Variants in DMRTA1 observed in about 807,000 individuals in gnomAD.
The protein encoded by DMRTA1 is doublesex- and mab-3-related transcription factor A1.
Under a neutral mutation model 35.2 loss-of-function variants are expected in DMRTA1, and 34 were observed. The observed-to-expected ratio is 0.97, with a 90% CI of 0.74 to 1.29. The LOEUF is 1.29. Ranked by LOEUF, DMRTA1 falls within the 50% of genes most tolerant of loss-of-function variation. DMRTA1 has a pLI of 0.00. For missense variants in DMRTA1, 824 were observed against 644.6 expected (o/e 1.28, Z -3.01); for synonymous variants, 344 against 276.6 (o/e 1.24, Z -2.42).
In DMRTA1 at chr9:22,453,338, A is replaced by C. The variant is rs1818960195; in HGVS notation, c.*1427A>C. 1 of 152,036 alleles carries C rather than the reference A, an allele frequency of 6.6e-6. No homozygotes were observed. The highest frequency in any genetic ancestry group is 2.4e-5 in the African/African-American group (1 of 41,424). The allele number at this position is 152,036 out of a possible 1,614,324, so 9.4% of individuals were successfully genotyped here. On this transcript the variant is annotated 3_prime_UTR_variant, in exon 2 of 2. Coordinates refer to ENST00000325870, the MANE Select transcript of DMRTA1 (RefSeq NM_022160.3). ...ATGTAGACATACATTAAACCCCTAT[A>C]GGTTATATTATCATGGAGGCGTTTT...
chr9:22,451,773 G>T lies in DMRTA1; in HGVS notation c.1377G>T (p.Gly459=). 6.2e-7 allele frequency: 1 copy of T among 1,614,062 alleles called. No individual in the cohort carries two copies. The highest frequency in any genetic ancestry group is 1.1e-5 in the South Asian group (1 of 91,080). The change falls in exon 2 of 2, where the codon GGG becomes GGT. Residue 459 remains glycine (G), a synonymous_variant. Transcript: ENST00000325870. The stretch of plus-strand genomic sequence containing the variant: ...TTATGTCACCCTACCTAACACCTGG[G>T]TTAGTACCAACCTTACCTTTTCGGC... ...SGFMSPYLTP[G]LVPTLPFRPA...
Position 22,453,667 on chromosome 9 carries a change from T to G in DMRTA1, c.*1756T>G, listed in dbSNP as rs947800871. 4 of 152,100 alleles carry G rather than the reference T, an allele frequency of 2.6e-5. No individual in the cohort carries two copies. Among genetic ancestry groups the G allele is most frequent in the South Asian group, 4.1e-4 (2 of 4,830 alleles). 9.4% of individuals were successfully genotyped at this position (152,100 alleles called of 1,614,324 possible). A position where few individuals can be genotyped will look rare whatever the true frequency, so the allele number is the denominator to read the frequency against. ...TATATATAATAGATCTCTTTGAGAC[T>G]CTGATAAAACTGAAGAACTCTACAA... On this transcript the variant is annotated 3_prime_UTR_variant, in exon 2 of 2. Coordinates refer to ENST00000325870, the MANE Select transcript of DMRTA1 (RefSeq NM_022160.3).
At chr9:22,449,959 A>G (rs1453522443) in intron 1 of DMRTA1, among the ~76,000 whole-genome samples, 1 of 152,116 alleles carries the variant, frequency 6.6e-6, no homozygotes, top group Non-Finnish European at 1.5e-5. Flanking sequence ...TAGAAAAAGG[A>G]AGTTGGACAG....
Position 22,452,595 on chromosome 9 carries a change from A to G in DMRTA1, c.*684A>G, listed in dbSNP as rs1458078498. 2 of 152,226 alleles carry G rather than the reference A, an allele frequency of 1.3e-5. No homozygotes were observed. The highest frequency in any genetic ancestry group is 2.4e-5 in the African/African-American group (1 of 41,462). The allele number at this position is 152,226 out of a possible 1,614,324, so 9.4% of individuals were successfully genotyped here. On this transcript the variant is annotated 3_prime_UTR_variant, in exon 2 of 2. Coordinates refer to ENST00000325870, the MANE Select transcript of DMRTA1 (RefSeq NM_022160.3). ...GTCTATGAAGTAAATTTTAGGAAATAAGACTGCGCCATCTCCTGGCCACTA... is the reference window on the plus strand; with the variant it reads ...GTCTATGAAGTAAATTTTAGGAAATGAGACTGCGCCATCTCCTGGCCACTA...
In DMRTA1 at chr9:22,447,419, G is replaced by C; in HGVS notation, c.354G>C (p.Trp118Cys). The C allele has an allele frequency of 6.4e-7, 1 of 1,551,904 alleles. No homozygotes were observed. Among genetic ancestry groups the C allele is most frequent in the Non-Finnish European group, 8.7e-7 (1 of 1,149,812 alleles). Residue 118 changes from tryptophan to cysteine, a missense_variant, in exon 1 of 2, where the codon TGG (tryptophan) becomes TGC (cysteine). By Grantham distance (215) the Trp-to-Cys change is radical. Transcript: ENST00000325870. ...ALKGHKRFCRWRDCACAKCTL... is the reference protein window; with the variant it reads ...ALKGHKRFCRCRDCACAKCTL... ...AGGGCCACAAGCGCTTCTGCCGCTG[G>C]CGGGACTGCGCGTGTGCCAAGTGCA...
At position 22,451,338 on chromosome 9, in the gene DMRTA1, G is replaced by A. The variant is rs139030144; in HGVS notation, c.942G>A (p.Ala314=). 5.5e-5 allele frequency: 89 copies of A among 1,614,032 alleles called. No homozygotes were observed. In the African/African-American group the frequency reaches 5.9e-4, roughly 11 times the overall value. ...NESEWVKDLT[A]TKASLPTVSS... Reference sequence around the variant, plus strand: ...GTGAATGGGTCAAAGACTTGACTGCGACCAAGGCAAGCCTTCCGACAGTGT... The same window carrying A: ...GTGAATGGGTCAAAGACTTGACTGCAACCAAGGCAAGCCTTCCGACAGTGT... Residue 314 remains alanine, a synonymous_variant, in exon 2 of 2, where the codon GCG becomes GCA. Transcript: ENST00000325870.
Position 22,451,745 on chromosome 9 carries a change from G to A in DMRTA1, c.1349G>A (p.Gly450Asp). 9 of 1,614,024 alleles carry A rather than the reference G, an allele frequency of 5.6e-6. No homozygotes were observed. The highest frequency in any genetic ancestry group is 7.6e-6 in the Non-Finnish European group (9 of 1,179,902). ...TCTTCTGCAGGAAGAGGGTTATCTG[G>A]TTTTATGTCACCCTACCTAACACCT... ...AYSSAGRGLS[G>D]FMSPYLTPGL... The change falls in exon 2 of 2, where the codon GGT becomes GAT. Residue 450 changes from glycine to aspartate, a missense_variant. Transcript: ENST00000325870.
chr9:22,447,793 A>C, intron 1 of DMRTA1, 61 bp downstream of exon 1: 1 of 1,596,178 alleles, frequency 6.3e-7, no homozygotes, highest in South Asian at 1.1e-5. Flanking sequence ...AGAAACTCTG[A>C]AACAAGCCAC....
chr9:22,450,735 A>G (rs1266325128), intron 1 of DMRTA1, among the ~76,000 whole-genome samples: 4 of 152,152 alleles, frequency 2.6e-5, no homozygotes, highest in African/African-American at 9.7e-5. Flanking sequence ...CCAAGATAGA[A>G]CAGACAGTGT....
rs746378786 is a variant in DMRTA1, at chr9:22,451,948, G to C, written c.*37G>C. ...ATTCTCTCTTTCTGGAGTTTTTCCA[G>C]CATACAATACATGCACGTGCACACA... On this transcript the variant is annotated 3_prime_UTR_variant, in exon 2 of 2. Coordinates refer to ENST00000325870, the MANE Select transcript of DMRTA1 (RefSeq NM_022160.3). The C allele has an allele frequency of 6.2e-7, 1 of 1,604,924 alleles. No homozygotes were observed. The highest frequency in any genetic ancestry group is 8.5e-7 in the Non-Finnish European group (1 of 1,175,248).
rs370079512 is a variant in DMRTA1, at chr9:22,451,039, A to AT, written c.668-16dup. On this transcript the variant is annotated intron_variant, in intron 1 of 1. Coordinates refer to ENST00000325870, the MANE Select transcript of DMRTA1 (RefSeq NM_022160.3). ...TTCTGGGAAGTCTTCCCTGTATTTG[A>AT]TTTTTTTTTCCCCCTCTTCTCCAGA... 789 of 1,577,682 alleles carry AT rather than the reference A, an allele frequency of 5.0e-4. 3 individuals are homozygous for AT. The African/African-American group carries it at 8.0e-3, about 16-fold the overall frequency.
At position 22,455,316 on chromosome 9, in the gene DMRTA1, C is replaced by G. The variant is rs1818988598; in HGVS notation, c.*3405C>G. 6.6e-6 allele frequency: 1 copy of G among 152,174 alleles called. No individual in the cohort carries two copies. Among genetic ancestry groups the G allele is most frequent in the South Asian group, 2.1e-4 (1 of 4,832 alleles). The allele number at this position is 152,174 out of a possible 1,614,324, so 9.4% of individuals were successfully genotyped here. ...TTGAGGAAACCTAGAATGGATTTAT[C>G]TATATGACTTGGACAGGTTACTTAT... On this transcript the variant is annotated 3_prime_UTR_variant, in exon 2 of 2. Transcript: ENST00000325870.
rs1044203797 is a variant in DMRTA1 at position 22,453,621 on chromosome 9, A to G, written c.*1710A>G. 5 of 152,134 alleles carry G rather than the reference A, an allele frequency of 3.3e-5. No individual in the cohort carries two copies. The highest frequency in any genetic ancestry group is 7.4e-5 in the Non-Finnish European group (5 of 67,966). 9.4% of individuals were successfully genotyped at this position (152,134 alleles called of 1,614,324 possible). ...AGCAAGTAGTTGAAATTCAATTCAT[A>G]TATACTGAGTAAGAAACTCTTATAT... On this transcript the variant is annotated 3_prime_UTR_variant, in exon 2 of 2. Transcript: ENST00000325870.
In DMRTA1 at chr9:22,452,054, T is replaced by C. The variant is rs1818940722; in HGVS notation, c.*143T>C. On this transcript the variant is annotated 3_prime_UTR_variant, in exon 2 of 2. Coordinates refer to ENST00000325870, the MANE Select transcript of DMRTA1 (RefSeq NM_022160.3). ...CTTAAAATGCTGGGTTTTTTTTTTTTCAAGCAATATAATAGGTCTTAGATC... is the reference window on the plus strand; with the variant it reads ...CTTAAAATGCTGGGTTTTTTTTTTTCCAAGCAATATAATAGGTCTTAGATC... 1 of 776,984 alleles carries C rather than the reference T, an allele frequency of 1.3e-6. No individual in the cohort carries two copies. The highest frequency in any genetic ancestry group is 1.9e-6 in the Non-Finnish European group (1 of 516,550). The allele number at this position is 776,984 out of a possible 1,614,324, so 48.1% of individuals were successfully genotyped here.
rs1587667789 is a variant in DMRTA1, at chr9:22,446,918, T to C, written c.-148T>C. The C allele has an allele frequency of 1.0e-5, 10 of 984,536 alleles. No individual in the cohort carries two copies. In the East Asian group the frequency reaches 3.0e-4, roughly 29 times the overall value. 61.0% of individuals were successfully genotyped at this position (984,536 alleles called of 1,614,324 possible). A position where few individuals can be genotyped will look rare whatever the true frequency, so the allele number is the denominator to read the frequency against. Reference sequence around the variant, plus strand: ...CGCGGTCGTCCCAACTCCTTCCGAGTGGAAAGAGTGTAAAACTTTTGTCCG... The same window carrying C: ...CGCGGTCGTCCCAACTCCTTCCGAGCGGAAAGAGTGTAAAACTTTTGTCCG... On this transcript the variant is annotated 5_prime_UTR_variant, in exon 1 of 2. Coordinates refer to ENST00000325870, the MANE Select transcript of DMRTA1 (RefSeq NM_022160.3).
Position 22,452,853 on chromosome 9 carries a change from G to A in DMRTA1, c.*942G>A, listed in dbSNP as rs1818952494. ...AGAATATATGGCAGCCATTCTCAAAGGTAAGAATAATTTTATTCAGAAAAC... is the reference window on the plus strand; with the variant it reads ...AGAATATATGGCAGCCATTCTCAAAAGTAAGAATAATTTTATTCAGAAAAC... On this transcript the variant is annotated 3_prime_UTR_variant, in exon 2 of 2. Coordinates refer to ENST00000325870, the MANE Select transcript of DMRTA1 (RefSeq NM_022160.3). 6.6e-6 allele frequency: 1 copy of A among 151,842 alleles called. No individual in the cohort carries two copies. The highest frequency in any genetic ancestry group is 2.1e-4 in the South Asian group (1 of 4,824). 9.4% of individuals were successfully genotyped at this position (151,842 alleles called of 1,614,324 possible). A position where few individuals can be genotyped will look rare whatever the true frequency, so the allele number is the denominator to read the frequency against.
intron 1 of DMRTA1, among the ~76,000 whole-genome samples, chr9:22,449,208 A>T (rs989057449): frequency 5.3e-5 from 8 of 152,322 alleles, no homozygotes; most frequent in Middle Eastern, 3.4e-3. Context: ...ACTGTGGTAA[A>T]ATAGTCTATT....
chr9:22,448,473 G>A (rs975565856), intron 1 of DMRTA1, among the ~76,000 whole-genome samples: 2 of 152,112 alleles, frequency 1.3e-5, no homozygotes, highest in African/African-American at 4.8e-5. Flanking sequence ...TATCCAAGGA[G>A]TTTTCATTAT....
Position 22,447,088 on chromosome 9 carries a change from G to C in DMRTA1, c.23G>C (p.Ser8Thr). MERSQCG[S>T]RDRGVSGRPH... is the part of the protein sequence containing the mutation. ...GGAATGGAGCGGTCACAGTGTGGCA[G>C]CAGAGACCGAGGCGTTAGCGGCCGA... The change falls in exon 1 of 2, where the codon AGC (serine) becomes ACC (threonine). Residue 8 changes from serine (S) to threonine (T), a missense_variant. Ser to Thr is a moderately conservative substitution (Grantham distance 58). Transcript: ENST00000325870. The C allele has an allele frequency of 6.2e-7, 1 of 1,609,606 alleles. No individual in the cohort carries two copies. The highest frequency in any genetic ancestry group is 1.7e-4 in the Middle Eastern group (1 of 6,052).
Sources: allele counts gnomAD v4.1 joint callset (sites outside exome capture counted in the v4.1 genomes callset), GRCh38; gene constraint gnomAD v4.1.1; transcripts MANE v1.5; gene names NCBI Gene and HGNC (gene_info 2026-07-23, HGNC 2026-07-21).